Variants in EPM2A observed in about 807,000 individuals in gnomAD.
EPM2A encodes the protein EPM2A glucan phosphatase, laforin.
In EPM2A, 21 loss-of-function variants were observed where a neutral mutation model predicts 26.5. The ratio of observed to expected loss-of-function variants is 0.79; its 90% CI spans 0.56 to 1.14. The LOEUF is 1.14. Ranked by LOEUF, EPM2A falls within the 50% of genes most tolerant of loss-of-function variation. The pLI is 0.00. For synonymous variants in EPM2A, 217 were observed against 177.6 expected, an observed-to-expected ratio of 1.22 and a Z score of -1.76; for missense variants, 458 against 440.8, an observed-to-expected ratio of 1.04 and a Z score of -0.35.
In EPM2A at chr6:145,474,915, T is replaced by C. The variant is rs908923016; in HGVS notation, c.555+27607A>G. On this transcript the variant is annotated intron_variant, in intron 4 of 4. Transcript: ENST00000638717. The stretch of plus-strand genomic sequence containing the variant: ...AGAGAAATGCAAATCAAAACCACAA[T>C]GAGATACCATCTCACATCAGTTAGA... 1.8e-4 allele frequency among the ~76,000 whole-genome samples: 27 copies of C among 152,148 alleles called. 1 individual carries two copies. Among genetic ancestry groups the C allele is most frequent in the Non-Finnish European group, 5.9e-5 (4 of 68,028 alleles).
intron 4 of EPM2A, among the ~76,000 whole-genome samples, chr6:145,464,163 C>T (rs1003959403): frequency 1.3e-5 from 2 of 152,034 alleles, no homozygotes; most frequent in African/African-American, 4.8e-5. Flanking sequence ...ATGCTGTTCT[C>T]GTGATATTGA....
chr6:145,653,023 AAAG>A (rs1777996233), intron 2 of EPM2A, among the ~76,000 whole-genome samples: 1 of 152,216 alleles, frequency 6.6e-6, no homozygotes, highest in Non-Finnish European at 1.5e-5. Context: ...ACCATCTAGG[AAAG>A]AAGATTAAAC....
rs1045820 is a variant in EPM2A at position 145,625,944 on chromosome 6, C to T, written c.*1472G>A. On this transcript the variant is annotated 3_prime_UTR_variant, in exon 4 of 4. Transcript: ENST00000367519. Reference sequence around the variant, plus strand: ...GAAAGTAAGGGCTTTGAATCAAACCCAGCTTTGTATCTCACTTCATCTATT... The same window carrying T: ...GAAAGTAAGGGCTTTGAATCAAACCTAGCTTTGTATCTCACTTCATCTATT... 0.43 allele frequency: 559,246 copies of T among 1,291,750 alleles called. 123,836 individuals carry two copies. Among genetic ancestry groups the T allele is most frequent in the African/African-American group, 0.56 (37,218 of 66,932 alleles). 80.0% of individuals were successfully genotyped at this position (1,291,750 alleles called of 1,614,324 possible).
At chr6:145,665,658 A>G (rs1269363966) in intron 2 of EPM2A, among the ~76,000 whole-genome samples, 1 of 146,692 alleles carries the variant, frequency 6.8e-6, no homozygotes, top group Non-Finnish European at 1.5e-5. Context: ...TCCCTAACTC[A>G]TTTTATGAGG....
intron 4 of EPM2A, among the ~76,000 whole-genome samples, chr6:145,405,529 C>T (rs910101862): frequency 1.3e-5 from 2 of 152,116 alleles, no homozygotes; most frequent in Non-Finnish European, 2.9e-5. Context: ...CCTGATAAAG[C>T]ACTGTACCAT....
chr6:145,581,810 C>A (rs938233538), intron 2 of EPM2A, among the ~76,000 whole-genome samples: 1 of 152,122 alleles, frequency 6.6e-6, no homozygotes, highest in East Asian at 1.9e-4. Flanking sequence ...GATGTGCAGG[C>A]TTTTTCCTGG....
intron 2 of EPM2A, among the ~76,000 whole-genome samples, chr6:145,548,009 C>A (rs448258): frequency 0.36 from 54,233 of 151,898 alleles, 10,191 homozygotes; most frequent in South Asian, 0.51. Context: ...ATAAATGAGA[C>A]CCAAATACTC....
intron 2 of EPM2A, among the ~76,000 whole-genome samples, chr6:145,529,988 T>G (rs934934920): frequency 6.6e-6 from 1 of 152,156 alleles, no homozygotes; most frequent in African/African-American, 2.4e-5. Flanking sequence ...GGTAAGAGAC[T>G]CCTGAGAAGG....
At chr6:145,466,154 C>A (rs200852956) in intron 4 of EPM2A, among the ~76,000 whole-genome samples, 25 of 136,766 alleles carry the variant, frequency 1.8e-4, no homozygotes, top group Admixed American at 8.6e-4. Context: ...TAATTAAACT[C>A]AAGAGCTTCT....
chr6:145,459,671 C>T (rs1779303956), intron 4 of EPM2A, among the ~76,000 whole-genome samples: 1 of 151,668 alleles, frequency 6.6e-6, no homozygotes, highest in South Asian at 2.1e-4. Context: ...TTACTGCTAT[C>T]TCCTCTTTTA....
intron 2 of EPM2A, among the ~76,000 whole-genome samples, chr6:145,604,808 T>A (rs1476486362): frequency 6.6e-6 from 1 of 152,114 alleles, no homozygotes; most frequent in Non-Finnish European, 1.5e-5. Context: ...TGTATTTTCT[T>A]CTCACACTGA....
At chr6:145,675,837 A>T (rs1168877107) in intron 2 of EPM2A, among the ~76,000 whole-genome samples, 1 of 152,158 alleles carries the variant, frequency 6.6e-6, no homozygotes, top group African/African-American at 2.4e-5. Context: ...ATAATGGGAG[A>T]CTTTAACACC....
intron 1 of EPM2A, among the ~76,000 whole-genome samples, chr6:145,730,326 T>G (rs1776424050): frequency 6.6e-6 from 1 of 152,222 alleles, no homozygotes. Flanking sequence ...AACATTTGCT[T>G]CCTAGATTAT....
chr6:145,488,458 T>C (rs975990918), intron 4 of EPM2A, among the ~76,000 whole-genome samples: 2 of 151,810 alleles, frequency 1.3e-5, no homozygotes, highest in African/African-American at 4.8e-5. Flanking sequence ...GTATGGAATG[T>C]TTTCCCATTT....
intron 1 of EPM2A, among the ~76,000 whole-genome samples, chr6:145,711,505 A>G (rs1775321393): frequency 6.6e-6 from 1 of 152,192 alleles, no homozygotes. Flanking sequence ...AAGAGGATAT[A>G]CAGGTCTGGA....
chr6:145,585,727 G>A (rs1219480595), intron 2 of EPM2A, among the ~76,000 whole-genome samples: 2 of 151,938 alleles, frequency 1.3e-5, no homozygotes, highest in Non-Finnish European at 2.9e-5. Context: ...AGATATTTTT[G>A]TGCATTTATA....
At chr6:145,650,902 A>G (rs1314075965) in intron 2 of EPM2A, among the ~76,000 whole-genome samples, 1 of 152,210 alleles carries the variant, frequency 6.6e-6, no homozygotes, top group Admixed American at 6.5e-5. Flanking sequence ...AAAGCTTTAC[A>G]ATTTCTACTT....
intron 2 of EPM2A, among the ~76,000 whole-genome samples, chr6:145,502,919 TATTAAG>T (rs1779913601): frequency 6.6e-6 from 1 of 152,228 alleles, no homozygotes; most frequent in Admixed American, 6.5e-5. Context: ...GATGAATACA[TATTAAG>T]ATTATTTTGA....
At chr6:145,387,270 C>G (rs1373775970) in intron 4 of EPM2A, among the ~76,000 whole-genome samples, 2 of 152,158 alleles carry the variant, frequency 1.3e-5, no homozygotes, top group Non-Finnish European at 2.9e-5. Flanking sequence ...GACCTTCCCT[C>G]CAACACCTTC....
Sources: allele counts gnomAD v4.1 joint callset (sites outside exome capture counted in the v4.1 genomes callset), GRCh38; gene constraint gnomAD v4.1.1; transcripts MANE v1.5; gene names NCBI Gene and HGNC (gene_info 2026-07-23, HGNC 2026-07-21).